PLEKHA6: variants seen among roughly 807,000 people sequenced by gnomAD.
The protein encoded by PLEKHA6 is pleckstrin homology domain-containing family A member 6.
A neutral mutation model predicts 116.7 loss-of-function variants in PLEKHA6; 60 were observed. The ratio of observed to expected loss-of-function variants is 0.51; its 90% CI spans 0.42 to 0.64. The LOEUF (loss-of-function observed/expected upper bound fraction) is 0.64. Ranked by LOEUF, PLEKHA6 falls within the 30% of genes least tolerant of loss-of-function variation. The pLI, the probability that PLEKHA6 is intolerant of heterozygous loss-of-function variation, is 0.00. For missense variants in PLEKHA6, 1,338 were observed against 1,422.7 expected (o/e 0.94, Z 0.96); for synonymous variants, 489 against 556.1 (o/e 0.88, Z 1.70).
Position 204,248,985 on chromosome 1 carries a change from G to C in PLEKHA6, c.1675-15C>G. 1 of 1,613,198 alleles carries C rather than the reference G, an allele frequency of 6.2e-7. No individual in the cohort carries two copies. Among genetic ancestry groups the C allele is most frequent in the Non-Finnish European group, 8.5e-7 (1 of 1,179,532 alleles). ...TCCAGGCTCTCCTGAAGAAAGGCAG[G>C]GGAATGACATGAGCAGCCCTGACAG... On this transcript the variant is annotated splice_polypyrimidine_tract_variant and intron_variant, in intron 11 of 22. Coordinates refer to ENST00000272203, the MANE Select transcript of PLEKHA6 (RefSeq NM_014935.5).
rs1659826451 is a variant in PLEKHA6 at position 204,223,020 on chromosome 1, T to A, written c.*9-241A>T. Among the ~76,000 whole-genome samples the A allele has an allele frequency of 6.6e-6, 1 of 152,132 alleles. No homozygotes were observed. The highest frequency in any genetic ancestry group is 1.5e-5 in the Non-Finnish European group (1 of 68,026). Reference sequence around the variant, plus strand: ...CACAGCCTTTGGCCGTAGTTGTCAATGTTATTTTAATTTACAGTAAGATCT... The same window carrying A: ...CACAGCCTTTGGCCGTAGTTGTCAAAGTTATTTTAATTTACAGTAAGATCT... On this transcript the variant is annotated intron_variant, in intron 22 of 22. Coordinates refer to ENST00000272203, the MANE Select transcript of PLEKHA6 (RefSeq NM_014935.5). The surrounding 1 kb of genome is among the most constrained non-coding windows in gnomAD (Gnocchi z 4.8).
At position 204,259,512 on chromosome 1, in the gene PLEKHA6, G is replaced by T. The variant is rs778545984; in HGVS notation, c.753C>A (p.Ser251Arg). The T allele has an allele frequency of 1.5e-5, 24 of 1,613,976 alleles. No homozygotes were observed. Among genetic ancestry groups the T allele is most frequent in the Non-Finnish European group, 1.4e-5 (17 of 1,179,996 alleles). Residue 251 changes from serine (S) to arginine (R), a missense_variant, in exon 8 of 23, where the codon AGC becomes AGA. Physicochemically the swap from Ser to Arg is moderately radical, Grantham distance 110. Coordinates refer to ENST00000272203, the MANE Select transcript of PLEKHA6 (RefSeq NM_014935.5). This position sits in a 1 kb window ranked among gnomAD's most constrained non-coding sequence, Gnocchi z 4.6. Reference protein sequence around the residue: ...AGPEPASEPGSPYPEGPRVPG... With the variant: ...AGPEPASEPGRPYPEGPRVPG... Reference sequence around the variant, plus strand: ...GCACTCTTGGGCCCTCGGGGTAAGGGCTGCCCGGCTCTGAGGCTGGCTCCG... The same window carrying T: ...GCACTCTTGGGCCCTCGGGGTAAGGTCTGCCCGGCTCTGAGGCTGGCTCCG...
intron 1 of PLEKHA6, among the ~76,000 whole-genome samples, chr1:204,318,787 T>G (rs1442802506): frequency 6.6e-6 from 1 of 152,194 alleles, no homozygotes; most frequent in Non-Finnish European, 1.5e-5. Context: ...ACATTACATC[T>G]CTCCCATACC....
Position 204,222,044 on chromosome 1 carries a change from CTCTCTT to C in PLEKHA6, c.*738_*743del, listed in dbSNP as rs2102353482. 1 of 153,660 alleles carries C rather than the reference CTCTCTT, an allele frequency of 6.5e-6. No homozygotes were observed. The highest frequency in any genetic ancestry group is 2.1e-4 in the South Asian group (1 of 4,832). 9.5% of individuals were successfully genotyped at this position (153,660 alleles called of 1,614,324 possible). A position where few individuals can be genotyped will look rare whatever the true frequency, so the allele number is the denominator to read the frequency against. ...GATCTCTCTCTCTCTCTCTCTCTCTCTCTCTTTCTGTCTCTCTCTCTCTGCTACCCT... is the reference window on the plus strand; with the variant it reads ...GATCTCTCTCTCTCTCTCTCTCTCTCTCTGTCTCTCTCTCTCTGCTACCCT... On this transcript the variant is annotated 3_prime_UTR_variant, in exon 23 of 23. Coordinates refer to ENST00000272203, the MANE Select transcript of PLEKHA6 (RefSeq NM_014935.5).
intron 1 of PLEKHA6, among the ~76,000 whole-genome samples, chr1:204,322,966 ATGCCCAAACC>A (rs1349174431): frequency 6.6e-6 from 1 of 152,230 alleles, no homozygotes; most frequent in Admixed American, 6.5e-5. Context: ...CTGATAGACC[ATGCCCAAACC>A]TGACCTTCCC....
intron 17 of PLEKHA6, among the ~76,000 whole-genome samples, chr1:204,235,571 C>T (rs1661922076): frequency 6.6e-6 from 1 of 152,136 alleles, no homozygotes; most frequent in Admixed American, 6.5e-5. Flanking sequence ...ATGTGAGTGG[C>T]TGACCTGCAA....
chr1:204,371,311 A>T (rs184487699), intron 2 of PLEKHA6, among the ~76,000 whole-genome samples: 3 of 152,342 alleles, frequency 2.0e-5, no homozygotes, highest in African/African-American at 7.2e-5. Flanking sequence ...GGCCCATCTC[A>T]GATACTAATT....
chr1:204,292,045 C>A (rs777052945), intron 1 of PLEKHA6, among the ~76,000 whole-genome samples: 9 of 152,164 alleles, frequency 5.9e-5, no homozygotes, highest in Admixed American at 2.0e-4. Flanking sequence ...TACTGACCTG[C>A]TTTAGTCTGA....
intron 1 of PLEKHA6, among the ~76,000 whole-genome samples, chr1:204,285,673 C>G (rs545977697): frequency 6.6e-6 from 1 of 152,104 alleles, no homozygotes; most frequent in African/African-American, 2.4e-5. Flanking sequence ...GACACGGTCT[C>G]GCCGTGTTGG....
chr1:204,373,293 T>C (rs971086064), intron 1 of PLEKHA6, among the ~76,000 whole-genome samples: 1 of 152,126 alleles, frequency 6.6e-6, no homozygotes, highest in African/African-American at 2.4e-5. Flanking sequence ...AGTTTCACCA[T>C]GTTGGCCAGG....
chr1:204,350,196 G>A (rs949827278), intron 1 of PLEKHA6, among the ~76,000 whole-genome samples: 3 of 152,134 alleles, frequency 2.0e-5, no homozygotes, highest in African/African-American at 4.8e-5. Flanking sequence ...TGGCAAGCAC[G>A]TGTAGTCCCA....
chr1:204,356,166 T>G (rs1277126292), intron 1 of PLEKHA6, among the ~76,000 whole-genome samples: 1 of 152,242 alleles, frequency 6.6e-6, no homozygotes, highest in East Asian at 1.9e-4. Flanking sequence ...ATATGTTCAT[T>G]GTAGCCTTGT....
rs962325738 is a variant in PLEKHA6, at chr1:204,245,019, G to A, written c.2033-16C>T. On this transcript the variant is annotated splice_polypyrimidine_tract_variant and intron_variant, in intron 14 of 22. Coordinates refer to ENST00000272203, the MANE Select transcript of PLEKHA6 (RefSeq NM_014935.5). ...CCAAGTCCTCCTTGGGGGAAACAAG[G>A]GGATGGGTGAGCAATGGAGGAGGGG... The A allele has an allele frequency of 2.1e-6, 3 of 1,406,146 alleles. No individual in the cohort carries two copies. The highest frequency in any genetic ancestry group is 2.8e-6 in the Non-Finnish European group (3 of 1,076,810). 87.1% of individuals were successfully genotyped at this position (1,406,146 alleles called of 1,614,324 possible). A position where few individuals can be genotyped will look rare whatever the true frequency, so the allele number is the denominator to read the frequency against.
At chr1:204,310,121 G>C (rs1671604058) in intron 1 of PLEKHA6, among the ~76,000 whole-genome samples, 1 of 152,000 alleles carries the variant, frequency 6.6e-6, no homozygotes, top group South Asian at 2.1e-4. Flanking sequence ...ATGGGTCACA[G>C]TTGGCCGACC....
In PLEKHA6 at chr1:204,268,193, G is replaced by A. The variant is rs376519983; in HGVS notation, c.207+15C>T. The stretch of plus-strand genomic sequence containing the variant: ...GGTGGAGGCTACGGTGGCCAGAACC[G>A]CAGGGTGGCCTCACCTGTTTGAAGA... On this transcript the variant is annotated intron_variant, in intron 4 of 22. Transcript: ENST00000272203. 45 of 1,559,708 alleles carry A rather than the reference G, an allele frequency of 2.9e-5. No individual in the cohort carries two copies. Among genetic ancestry groups the A allele is most frequent in the African/African-American group, 1.5e-4 (11 of 73,626 alleles).
chr1:204,273,657 G>A lies in PLEKHA6; in HGVS notation c.71C>T (p.Ser24Phe). The change falls in exon 3 of 23, where the codon TCC (serine) becomes TTC (phenylalanine). Residue 24 changes from serine (S) to phenylalanine (F), a missense_variant. Transcript: ENST00000272203. ...GCTGGGCCGCTCTGGAGGGACCTCG[G>A]ACACCATGTTGTGGTTGGGTATGTC... The part of the protein sequence containing the change: ...NSDIPNHNMV[S>F]EVPPERPSVR... 4 of 1,614,176 alleles carry A rather than the reference G, an allele frequency of 2.5e-6. No homozygotes were observed. Among genetic ancestry groups the A allele is most frequent in the Non-Finnish European group, 3.4e-6 (4 of 1,179,998 alleles).
At chr1:204,339,052 TC>T (rs1672755920) in intron 1 of PLEKHA6, among the ~76,000 whole-genome samples, 1 of 152,204 alleles carries the variant, frequency 6.6e-6, no homozygotes, top group African/African-American at 2.4e-5. Context: ...TCTTGCAGTT[TC>T]CACTTGGGTC....
At position 204,241,494 on chromosome 1, in the gene PLEKHA6, A is replaced by G; in HGVS notation, c.2303-13T>C. ...GGCACAACGCCAACTGCAGAAAGACAGAGTAGCCAGTGGGCCTCATGGAGA... is the reference window on the plus strand; with the variant it reads ...GGCACAACGCCAACTGCAGAAAGACGGAGTAGCCAGTGGGCCTCATGGAGA... On this transcript the variant is annotated splice_polypyrimidine_tract_variant and intron_variant, in intron 16 of 22. Coordinates refer to ENST00000272203, the MANE Select transcript of PLEKHA6 (RefSeq NM_014935.5). 1 of 1,564,278 alleles carries G rather than the reference A, an allele frequency of 6.4e-7. No individual in the cohort carries two copies.
At chr1:204,313,629 G>A in intron 1 of PLEKHA6, 1 of 984,866 alleles carries the variant, frequency 1.0e-6, no homozygotes, top group Non-Finnish European at 1.2e-6. Flanking sequence ...ATTAGCCCAA[G>A]GAAATCATAT....
Sources: gnomAD v4.1 joint callset for allele counts (sites outside exome capture counted in the v4.1 genomes callset) on GRCh38, gnomAD v4.1.1 for gene constraint, Gnocchi (gnomAD v3.1) non-coding constraint, MANE v1.5 for transcripts, NCBI Gene and HGNC (gene_info 2026-07-23, HGNC 2026-07-21) for gene names.